The following CASP9 variants were observed in gnomAD, a reference collection of about 807,000 sequenced individuals.
CASP9 encodes caspase-9.
Under a neutral mutation model 43.5 loss-of-function variants are expected in CASP9, and 29 were observed. The ratio of observed to expected loss-of-function variants is 0.67; its 90% CI spans 0.50 to 0.91. CASP9 has a LOEUF of 0.91. CASP9 is among the 40% of genes least tolerant of loss of function. CASP9 has a pLI of 0.00. For synonymous variants in CASP9, 206 were observed against 211.9 expected (o/e 0.97, Z 0.24); for missense variants, 575 against 537.4 (o/e 1.07, Z -0.69).
At chr1:15,493,602 C>A (rs1015528714) in intron 8 of CASP9, 14 of 1,435,690 alleles carry the variant, frequency 9.8e-6, no homozygotes, top group African/African-American at 1.4e-5. Flanking sequence ...AGCCATCCTG[C>A]GCTGGCACTG....
intron 2 of CASP9, among the ~76,000 whole-genome samples, chr1:15,509,208 T>G (rs1709639555): frequency 6.6e-6 from 1 of 152,136 alleles, no homozygotes; most frequent in African/African-American, 2.4e-5. Flanking sequence ...ACTTCCACTC[T>G]GAACCTCACT....
intron 4 of CASP9, among the ~76,000 whole-genome samples, chr1:15,506,610 T>C (rs1475023837): frequency 6.6e-6 from 1 of 152,162 alleles, no homozygotes; most frequent in Non-Finnish European, 1.5e-5. Context: ...GCTTGGGCAC[T>C]GTTCATCTAA....
At chr1:15,524,363 C>T, upstream of CASP9, 1 of 1,393,670 alleles carries the variant, frequency 7.2e-7, no homozygotes, top group East Asian at 3.0e-5. Context: ...TCCAAGGCCT[C>T]GCCCCGCCCC....
chr1:15,505,604 A>C (rs1333593014), intron 5 of CASP9, among the ~76,000 whole-genome samples: 3 of 152,150 alleles, frequency 2.0e-5, no homozygotes, highest in African/African-American at 7.2e-5. Context: ...CCAAGCCCCC[A>C]GTGGGCCTGG....
At chr1:15,509,460 CAAAA>C (rs563284288) in intron 2 of CASP9, among the ~76,000 whole-genome samples, 6 of 105,648 alleles carry the variant, frequency 5.7e-5, no homozygotes, top group Admixed American at 1.1e-4. Flanking sequence ...ACTAAAAATA[CAAAA>C]AAAAAAAAAA....
At chr1:15,496,943 C>A (rs1433542876) in intron 6 of CASP9, among the ~76,000 whole-genome samples, 1 of 151,910 alleles carries the variant, frequency 6.6e-6, no homozygotes, top group East Asian at 1.9e-4. Context: ...TGAGTCCAAG[C>A]AGTTGAGGCT....
chr1:15,513,390 G>A (rs1287329908), intron 2 of CASP9, among the ~76,000 whole-genome samples: 1 of 152,042 alleles, frequency 6.6e-6, no homozygotes, highest in Non-Finnish European at 1.5e-5. Flanking sequence ...AGTCCTCCCG[G>A]GCAAGAGGCC....
chr1:15,513,023 T>C (rs933496515), intron 2 of CASP9, among the ~76,000 whole-genome samples: 4 of 151,982 alleles, frequency 2.6e-5, no homozygotes, highest in South Asian at 2.1e-4. Context: ...TAGCTGGGCA[T>C]GGTGGCAGGT....
intron 1 of CASP9, 66 bp from the exon 2 acceptor site, chr1:15,518,461 C>T (rs983306598): frequency 5.2e-5 from 78 of 1,513,884 alleles, no homozygotes; most frequent in Non-Finnish European, 6.6e-5. Flanking sequence ...ACCTTGTCTC[C>T]CCATTTCCCA....
rs1708896584 is a variant in CASP9 at position 15,491,575 on chromosome 1, T to C, written c.*1368A>G. The C allele has an allele frequency of 1.1e-5, 5 of 453,254 alleles. No homozygotes were observed. Among genetic ancestry groups the C allele is most frequent in the Non-Finnish European group, 2.0e-5 (5 of 248,090 alleles). 28.1% of individuals were successfully genotyped at this position (453,254 alleles called of 1,614,324 possible). Reference sequence around the variant, plus strand: ...GAGTTCAAGACCAGCCTGAGTAACATGGCATAACTCTGTCTCTACTAAAAA... The same window carrying C: ...GAGTTCAAGACCAGCCTGAGTAACACGGCATAACTCTGTCTCTACTAAAAA... On this transcript the variant is annotated 3_prime_UTR_variant, in exon 9 of 9. Transcript: ENST00000333868.
chr1:15,493,950 AG>A lies in CASP9; in HGVS notation c.1099del (p.Leu367TrpfsTer27). On this transcript the variant is annotated frameshift_variant, in exon 8 of 9. Coordinates refer to ENST00000333868, the MANE Select transcript of CASP9 (RefSeq NM_001229.5). LOFTEE classifies it high-confidence loss of function. ...AGCCCACTGCTCAAAGATGTCGTCC[AG>A]GGTCTCAACGTACCAGGAGCCACTC... ...PKSGSWYVET[L>X]DDIFEQWAHS... 1 of 1,605,230 alleles carries A rather than the reference AG, an allele frequency of 6.2e-7. No individual in the cohort carries two copies.
Position 15,495,449 on chromosome 1 carries a change from T to A in CASP9, c.872A>T (p.Gln291Leu). 2 of 1,582,984 alleles carry A rather than the reference T, an allele frequency of 1.3e-6. No homozygotes were observed. The highest frequency in any genetic ancestry group is 3.8e-5 in the Admixed American group (2 of 52,634). ...GGCCACCTCAAACCCATGGTCTTTC[T>A]GCTCTGCAGGAAGCAGAAACAAACA... Reference protein sequence around the residue: ...LFFIQACGGEQKDHGFEVAST... With the variant: ...LFFIQACGGELKDHGFEVAST... The change falls in exon 7 of 9, where the codon CAG (glutamine) becomes CTG (leucine). Residue 291 changes from glutamine to leucine, a missense_variant. Transcript: ENST00000333868.
intron 7 of CASP9, among the ~76,000 whole-genome samples, chr1:15,494,270 A>G (rs182644544): frequency 2.2e-4 from 34 of 152,148 alleles, no homozygotes; most frequent in African/African-American, 7.0e-4. Context: ...AAGACATAAG[A>G]AAGGAAGGAA....
chr1:15,514,881 T>C (rs1228367567), intron 2 of CASP9, among the ~76,000 whole-genome samples: 5 of 152,092 alleles, frequency 3.3e-5, no homozygotes, highest in Non-Finnish European at 5.9e-5. Context: ...GTGGTGCACC[T>C]GTAGTCCCAG....
intron 8 of CASP9, 48 bp from the exon 9 acceptor site, chr1:15,493,083 T>C: frequency 6.2e-7 from 1 of 1,609,466 alleles, no homozygotes. Context: ...TTCTCTGGAC[T>C]GAAGGAAGAA....
chr1:15,507,904 G>C lies in CASP9; in HGVS notation c.422C>G (p.Ala141Gly). The change falls in exon 3 of 9, where the codon GCT becomes GGT. Residue 141 changes from alanine (A) to glycine (G), a missense_variant. Transcript: ENST00000333868. ...TGCATTTCCCCTCAAACTCTCAAGA[G>C]CACCTGAAGAGGCAGAGAAAGAGAG... is the stretch of plus-strand genomic sequence containing the variant. ...IGSGGFGDVG[A>G]LESLRGNADL... The C allele has an allele frequency of 6.2e-7, 1 of 1,614,138 alleles. No individual in the cohort carries two copies. The highest frequency in any genetic ancestry group is 1.3e-5 in the African/African-American group (1 of 75,052).
chr1:15,523,985 G>A (rs1383474847), intron 1 of CASP9, 84 bp downstream of exon 1: 1 of 1,060,480 alleles, frequency 9.4e-7, no homozygotes, highest in Middle Eastern at 3.0e-4. Flanking sequence ...AAGCCACAGG[G>A]AAGGCTAGGC....
rs1281269636 is a variant in CASP9 at position 15,524,164 on chromosome 1, G to C, written c.37C>G (p.Arg13Gly). 3.2e-6 allele frequency: 5 copies of C among 1,539,622 alleles called. No homozygotes were observed. The highest frequency in any genetic ancestry group is 4.4e-6 in the Non-Finnish European group (5 of 1,147,036). The change falls in exon 1 of 9, where the codon CGG becomes GGG. Residue 13 changes from arginine (R) to glycine (G), a missense_variant. Coordinates refer to ENST00000333868, the MANE Select transcript of CASP9 (RefSeq NM_001229.5). ...TGCAGCTCTTCCACCAGCCGCAGCC[G>C]GCACCGCCGCAGGAGCCGCCGATCC... ...EADRRLLRRC[R>G]LRLVEELQVD...
chr1:15,499,923 G>A (rs1423427478), intron 6 of CASP9, among the ~76,000 whole-genome samples: 1 of 152,116 alleles, frequency 6.6e-6, no homozygotes, highest in East Asian at 1.9e-4. Context: ...ACTCCCCAAA[G>A]GCAGTGCCAA....
Sources: gnomAD v4.1 joint callset for allele counts (sites outside exome capture counted in the v4.1 genomes callset) on GRCh38, gnomAD v4.1.1 for gene constraint, MANE v1.5 for transcripts, NCBI Gene and HGNC (gene_info 2026-07-23, HGNC 2026-07-21) for gene names.